SCIMP: variants seen among roughly 807,000 people sequenced by gnomAD.
The protein encoded by SCIMP is SLP adaptor and CSK interacting membrane protein, also known as SLP adapter and CSK-interacting membrane protein.
SCIMP carries 18 observed loss-of-function variants against 22.0 expected under a neutral mutation model. The ratio of observed to expected loss-of-function variants is 0.82; its 90% CI spans 0.56 to 1.21. The LOEUF is 1.21. Ranked by LOEUF, SCIMP falls within the 50% of genes most tolerant of loss-of-function variation. The probability of loss-of-function intolerance (pLI) is 0.00; values close to 1 mark genes in which losing one functional copy is unlikely to be tolerated. For synonymous variants in SCIMP, 53 were observed against 62.2 expected, an observed-to-expected ratio of 0.85 and a Z score of 0.70; for missense variants, 155 against 171.2, an observed-to-expected ratio of 0.91 and a Z score of 0.53.
At chr17:5,212,458 C>A (rs749135829) in intron 4 of SCIMP, among the ~76,000 whole-genome samples, 4 of 152,098 alleles carry the variant, frequency 2.6e-5, no homozygotes, top group Non-Finnish European at 5.9e-5. Context: ...CATGGTGAAA[C>A]CCCATCTCTA....
intron 3 of SCIMP, chr17:5,220,832 T>G: frequency 4.0e-6 from 1 of 247,252 alleles, no homozygotes; most frequent in Non-Finnish European, 8.0e-6. Flanking sequence ...CCAAGGTGGG[T>G]GGATCACCTG....
chr17:5,227,424 C>T (rs1206106150), intron 1 of SCIMP, among the ~76,000 whole-genome samples: 1 of 152,060 alleles, frequency 6.6e-6, no homozygotes, highest in African/African-American at 2.4e-5. Flanking sequence ...CCATGTTGGC[C>T]AGGGTGGTCT....
At chr17:5,218,729 CA>C (rs760301033) in intron 3 of SCIMP, among the ~76,000 whole-genome samples, 1 of 152,138 alleles carries the variant, frequency 6.6e-6, no homozygotes, top group Non-Finnish European at 1.5e-5. Context: ...TTGATGGAGG[CA>C]GGGGGAGTCT....
chr17:5,213,259 C>CTTTT (rs11409123), intron 4 of SCIMP: 63 of 883,974 alleles, frequency 7.1e-5, no homozygotes, highest in African/African-American at 1.0e-4. Flanking sequence ...TTTTCCATCC[C>CTTTT]TTTTTTTTTT....
chr17:5,210,542 G>C lies in SCIMP; in HGVS notation c.*259C>G. On this transcript the variant is annotated 3_prime_UTR_variant, in exon 5 of 5. Transcript: ENST00000574081. ...ATGGAGCCCCGTGGTCCTTCCCATGGAAAGTTTCCTCAACAGCACAAGGCT... is the reference window on the plus strand; with the variant it reads ...ATGGAGCCCCGTGGTCCTTCCCATGCAAAGTTTCCTCAACAGCACAAGGCT... 1 of 371,852 alleles carries C rather than the reference G, an allele frequency of 2.7e-6. No individual in the cohort carries two copies. The highest frequency in any genetic ancestry group is 4.8e-6 in the Non-Finnish European group (1 of 209,718). The allele number at this position is 371,852 out of a possible 1,614,324, so 23.0% of individuals were successfully genotyped here.
intron 1 of SCIMP, 99 bp downstream of exon 1, chr17:5,234,636 T>C (rs2074729849): frequency 7.8e-7 from 1 of 1,289,506 alleles, no homozygotes; most frequent in Admixed American, 1.9e-5. Context: ...GGCCCAGTGC[T>C]GATCGGTGGC....
intron 1 of SCIMP, among the ~76,000 whole-genome samples, chr17:5,227,467 C>T (rs1043889269): frequency 1.3e-5 from 2 of 152,108 alleles, no homozygotes; most frequent in African/African-American, 4.8e-5. Context: ...CCGCATGCCT[C>T]GGCCTCCCAA....
intron 1 of SCIMP, among the ~76,000 whole-genome samples, chr17:5,224,502 G>A (rs1045466511): frequency 6.9e-6 from 1 of 144,832 alleles, no homozygotes; most frequent in African/African-American, 2.6e-5. Context: ...TTGCTCTGTC[G>A]CCCAGGCTGG....
At position 5,211,730 on chromosome 17, in the gene SCIMP, C is replaced by T. The variant is rs569386720; in HGVS notation, c.284-775G>A. Among the ~76,000 whole-genome samples, 12 of 152,172 alleles carry T rather than the reference C, an allele frequency of 7.9e-5. 1 individual carries two copies. In the South Asian group the frequency reaches 1.9e-3, roughly 24 times the overall value. Reference sequence around the variant, plus strand: ...ATCTCTCTAAGAAGAAAGGGGATGGCGTTGTTTTCAAAAGGTGGAATTAGT... The same window carrying T: ...ATCTCTCTAAGAAGAAAGGGGATGGTGTTGTTTTCAAAAGGTGGAATTAGT... On this transcript the variant is annotated intron_variant, in intron 4 of 4. Coordinates refer to ENST00000574081, the MANE Select transcript of SCIMP (RefSeq NM_207103.3).
At chr17:5,215,266 C>T in intron 3 of SCIMP, 1 of 348,128 alleles carries the variant, frequency 2.9e-6, no homozygotes, top group Non-Finnish European at 5.3e-6. Flanking sequence ...GCACACCTTC[C>T]TGGTTCACCT....
intron 1 of SCIMP, among the ~76,000 whole-genome samples, chr17:5,225,421 C>T (rs115701415): frequency 0.028 from 4,234 of 151,860 alleles, 193 homozygotes; most frequent in African/African-American, 0.095. Context: ...GCCGAGATCA[C>T]GCCACTACAT....
chr17:5,227,789 CCT>C (rs1318318926), intron 1 of SCIMP, among the ~76,000 whole-genome samples: 1 of 152,202 alleles, frequency 6.6e-6, no homozygotes, highest in African/African-American at 2.4e-5. Flanking sequence ...GTTGGTGGAG[CCT>C]CTCTCGTGAG....
At chr17:5,234,116 C>G (rs541546519) in intron 1 of SCIMP, among the ~76,000 whole-genome samples, 1 of 152,168 alleles carries the variant, frequency 6.6e-6, no homozygotes, top group Non-Finnish European at 1.5e-5. Context: ...ACTAAAAATA[C>G]AGAAATTAGC....
At chr17:5,214,838 TAAAAAA>T (rs34085108) in intron 4 of SCIMP, 81 bp downstream of exon 4, 919 of 451,802 alleles carry the variant, frequency 2.0e-3, no homozygotes, top group Non-Finnish European at 2.4e-3. Context: ...AGACTCCATC[TAAAAAA>T]AAAAAAAAAA....
chr17:5,224,978 G>T (rs79577751), intron 1 of SCIMP, among the ~76,000 whole-genome samples: 15,423 of 152,124 alleles, frequency 0.1, 1,751 homozygotes, highest in South Asian at 0.49. Flanking sequence ...CAGAGACCGG[G>T]AAAGTCTCGG....
rs1182320515 is a variant in SCIMP, at chr17:5,227,385, GCTC to G, written c.22-3932_22-3930del. Reference sequence around the variant, plus strand: ...TAGTCACAGCTACTCAGGAGGTTAAGCTCCTCCTCAGCTACTCAGGGGGTTTCA... The same window carrying G: ...TAGTCACAGCTACTCAGGAGGTTAAGCTCCTCAGCTACTCAGGGGGTTTCA... On this transcript the variant is annotated intron_variant, in intron 1 of 4. Transcript: ENST00000574081. Among the ~76,000 whole-genome samples, 5 of 151,714 alleles carry G rather than the reference GCTC, an allele frequency of 3.3e-5. No individual in the cohort carries two copies. The East Asian group carries it at 5.8e-4, about 18-fold the overall frequency.
At chr17:5,224,358 C>T (rs1208757781) in intron 1 of SCIMP, among the ~76,000 whole-genome samples, 13 of 151,948 alleles carry the variant, frequency 8.6e-5, no homozygotes, top group Admixed American at 1.3e-4. Flanking sequence ...AGGATAGTCT[C>T]GATCTCCTGA....
chr17:5,222,382 C>A (rs1338897051), intron 2 of SCIMP, among the ~76,000 whole-genome samples: 1 of 152,124 alleles, frequency 6.6e-6, no homozygotes, highest in Non-Finnish European at 1.5e-5. Context: ...TGAGCCACCG[C>A]GCCCGGCCAG....
Position 5,210,607 on chromosome 17 carries a change from C to T in SCIMP, c.*194G>A. On this transcript the variant is annotated 3_prime_UTR_variant, in exon 5 of 5. Transcript: ENST00000574081. Reference sequence around the variant, plus strand: ...CTCAGAGCCGAGCACCCATGTGTCTCCTCTGGCTGCAGTCATCCGATCGCA... The same window carrying T: ...CTCAGAGCCGAGCACCCATGTGTCTTCTCTGGCTGCAGTCATCCGATCGCA... 6.1e-6 allele frequency: 4 copies of T among 657,236 alleles called. No individual in the cohort carries two copies. The highest frequency in any genetic ancestry group is 4.5e-4 in the Middle Eastern group (1 of 2,238). The allele number at this position is 657,236 out of a possible 1,614,324, so 40.7% of individuals were successfully genotyped here.
Sources: allele counts gnomAD v4.1 joint callset (sites outside exome capture counted in the v4.1 genomes callset), GRCh38; gene constraint gnomAD v4.1.1; transcripts MANE v1.5; gene names NCBI Gene and HGNC (gene_info 2026-07-23, HGNC 2026-07-21).